Variants in PACS2 observed in about 807,000 individuals in gnomAD.
The protein encoded by PACS2 is PACS1-like protein.
In PACS2, 36 loss-of-function variants were observed where a neutral mutation model predicts 113.0. The ratio of observed to expected loss-of-function variants is 0.32; its 90% CI spans 0.24 to 0.42. The LOEUF (loss-of-function observed/expected upper bound fraction) is 0.42, where lower values mean the gene tolerates loss of function less well. Ranked by LOEUF, PACS2 falls within the 10% of genes least tolerant of loss-of-function variation. The pLI, the probability that PACS2 is intolerant of heterozygous loss-of-function variation, is 1.00. For synonymous variants in PACS2, 589 were observed against 536.1 expected (o/e 1.10, Z -1.36); for missense variants, 1,015 against 1,239.5 (o/e 0.82, Z 2.72).
At chr14:105,313,856 C>G (rs971732806), upstream of PACS2, among the ~76,000 whole-genome samples, 1 of 152,246 alleles carries the variant, frequency 6.6e-6, no homozygotes, top group African/African-American at 2.4e-5. Context: ...GGGAAGCACC[C>G]TCCCTGAGCC....
In PACS2 at chr14:105,394,726, C is replaced by A. The variant is rs2081486980; in HGVS notation, c.*54C>A. On this transcript the variant is annotated 3_prime_UTR_variant, in exon 25 of 25. Transcript: ENST00000447393. The stretch of plus-strand genomic sequence containing the variant: ...CCCCATGCTGTGAGGGGCCCAGCTG[C>A]ATTTCTGTTAACATTTCAGTTTACT... 2 of 1,093,604 alleles carry A rather than the reference C, an allele frequency of 1.8e-6. No homozygotes were observed. Among genetic ancestry groups the A allele is most frequent in the Admixed American group, 3.4e-5 (2 of 59,136 alleles). 67.7% of individuals were successfully genotyped at this position (1,093,604 alleles called of 1,614,324 possible). A position where few individuals can be genotyped will look rare whatever the true frequency, so the allele number is the denominator to read the frequency against.
intron 1 of PACS2, among the ~76,000 whole-genome samples, chr14:105,326,324 G>A (rs1385482315): frequency 2.6e-5 from 4 of 152,204 alleles, no homozygotes; most frequent in African/African-American, 9.7e-5. Flanking sequence ...TTCCGTATGA[G>A]CTCGCTCCTG....
intron 19 of PACS2, among the ~76,000 whole-genome samples, chr14:105,386,420 G>A (rs2141270930): frequency 6.6e-6 from 1 of 152,244 alleles, no homozygotes; most frequent in South Asian, 2.1e-4. Context: ...AAACTACCGA[G>A]ACCTCCAAAT....
chr14:105,367,302 C>T lies in PACS2; in HGVS notation c.513C>T (p.Ile171=), dbSNP rs868978096. The change falls in exon 5 of 25, where the codon ATC becomes ATT. Residue 171 remains isoleucine (I), a synonymous_variant. Coordinates refer to ENST00000447393, the MANE Select transcript of PACS2 (RefSeq NM_001100913.3). Reference sequence around the variant, plus strand: ...CCGTCAAGGCGGCCGAGATCTGGATCGCCTCCCTGTCCAGCCAGCCCATTG... The same window carrying T: ...CCGTCAAGGCGGCCGAGATCTGGATTGCCTCCCTGTCCAGCCAGCCCATTG... ...EAPVKAAEIW[I]ASLSSQPIDH... The T allele has an allele frequency of 9.3e-6, 15 of 1,613,178 alleles. No homozygotes were observed. The highest frequency in any genetic ancestry group is 5.3e-5 in the African/African-American group (4 of 74,934).
rs908063508 is a variant in PACS2, at chr14:105,376,032, C to T, written c.802-736C>T. On this transcript the variant is annotated intron_variant, in intron 8 of 24. Transcript: ENST00000447393. This position sits in a 1 kb window ranked among gnomAD's most constrained non-coding sequence, Gnocchi z 4.7. ...AGCAGGCACCTTCTTTATGGGGCAG[C>T]AGGTCGGAGTGGGTGCCTGCAGGGG... 1.3e-5 allele frequency among the ~76,000 whole-genome samples: 2 copies of T among 152,162 alleles called. No individual in the cohort carries two copies. Among genetic ancestry groups the T allele is most frequent in the Non-Finnish European group, 2.9e-5 (2 of 68,022 alleles).
intron 8 of PACS2, chr14:105,371,267 G>A (rs1449507775): frequency 6.6e-6 from 1 of 152,282 alleles, no homozygotes; most frequent in Non-Finnish European, 1.5e-5. Context: ...TCGGCTCCCT[G>A]GCCTGGGGCT....
In PACS2 at chr14:105,357,364, C is replaced by G. The variant is rs587685743; in HGVS notation, c.423+2187C>G. Among the ~76,000 whole-genome samples, 4 of 152,216 alleles carry G rather than the reference C, an allele frequency of 2.6e-5. No individual in the cohort carries two copies. In the East Asian group the frequency reaches 7.7e-4, roughly 29 times the overall value. On this transcript the variant is annotated intron_variant, in intron 4 of 24. Coordinates refer to ENST00000447393, the MANE Select transcript of PACS2 (RefSeq NM_001100913.3). This position sits in a 1 kb window ranked among gnomAD's most constrained non-coding sequence, Gnocchi z 5.1. The stretch of plus-strand genomic sequence containing the variant: ...AAAGCCCCACCCCTGGATGTAGTTC[C>G]AGTGCCCTGCCCCTGAGCCTGTGGC...
At chr14:105,302,513 A>G (rs2058071311) in intron 1 of PACS2, among the ~76,000 whole-genome samples, 1 of 150,614 alleles carries the variant, frequency 6.6e-6, no homozygotes, top group Non-Finnish European at 1.5e-5. Context: ...CTATTTCATT[A>G]ATTTCTGCTC....
In PACS2 at chr14:105,383,196, GT is replaced by G. The variant is rs782543999; in HGVS notation, c.1626-160del. The G allele has an allele frequency of 4.1e-5, 33 of 813,868 alleles. No individual in the cohort carries two copies. In the South Asian group the frequency reaches 4.4e-4, roughly 11 times the overall value. 50.4% of individuals were successfully genotyped at this position (813,868 alleles called of 1,614,324 possible). ...CTGTGTGGTCCCTCAGCCTGGGCAC[GT>G]TTGGGCATGTGGGGGTCCTGGGCTT... is the stretch of plus-strand genomic sequence containing the variant. On this transcript the variant is annotated intron_variant, in intron 15 of 24. Coordinates refer to ENST00000447393, the MANE Select transcript of PACS2 (RefSeq NM_001100913.3).
chr14:105,361,993 G>T (rs2060703175), intron 4 of PACS2, among the ~76,000 whole-genome samples: 3 of 151,726 alleles, frequency 2.0e-5, no homozygotes, highest in Admixed American at 6.6e-5. Flanking sequence ...TGTGGTGGCA[G>T]GCACCTAAAG....
chr14:105,386,170 G>C (rs1012158052), intron 19 of PACS2, among the ~76,000 whole-genome samples: 75 of 152,332 alleles, frequency 4.9e-4, no homozygotes, highest in African/African-American at 1.7e-3. Flanking sequence ...GGGCCAGGCT[G>C]TTTCCCAGGC....
chr14:105,330,751 A>G lies in PACS2; in HGVS notation c.119+15714A>G, dbSNP rs1270199146. On this transcript the variant is annotated intron_variant, in intron 1 of 24. Coordinates refer to ENST00000447393, the MANE Select transcript of PACS2 (RefSeq NM_001100913.3). The surrounding 1 kb of genome is among the most constrained non-coding windows in gnomAD (Gnocchi z 6.9). ...TGGTACCCAGGGCTGGCCTTGTTTC[A>G]GCTTCCTGACGAGTGCCCTGTGGTC... is the stretch of plus-strand genomic sequence containing the variant. 2.0e-5 allele frequency among the ~76,000 whole-genome samples: 3 copies of G among 152,178 alleles called. No individual in the cohort carries two copies. The highest frequency in any genetic ancestry group is 4.8e-5 in the African/African-American group (2 of 41,426).
Position 105,323,687 on chromosome 14 carries a change from ATGGG to A in PACS2, c.119+8655_119+8658del, listed in dbSNP as rs984368592. 6.6e-6 allele frequency among the ~76,000 whole-genome samples: 1 copy of A among 151,950 alleles called. No individual in the cohort carries two copies. Among genetic ancestry groups the A allele is most frequent in the Admixed American group, 6.5e-5 (1 of 15,268 alleles). Reference sequence around the variant, plus strand: ...ATTGCCTCAGGGTGTGCAGGTGGAGATGGGTGGGAGGTGTCGTGCAGGGCTTGGG... The same window carrying A: ...ATTGCCTCAGGGTGTGCAGGTGGAGATGGGAGGTGTCGTGCAGGGCTTGGG... On this transcript the variant is annotated intron_variant, in intron 1 of 24. Transcript: ENST00000447393. This position sits in a 1 kb window ranked among gnomAD's most constrained non-coding sequence, Gnocchi z 4.1.
intron 4 of PACS2, among the ~76,000 whole-genome samples, chr14:105,360,542 CAAAAAA>C (rs60526490): frequency 2.9e-5 from 3 of 101,946 alleles, no homozygotes; most frequent in African/African-American, 9.8e-5. Context: ...GACTTCCTCT[CAAAAAA>C]AAAAAAAAAA....
rs186780474 is a variant in PACS2 at position 105,357,556 on chromosome 14, C to T, written c.423+2379C>T. Among the ~76,000 whole-genome samples, 15 of 152,278 alleles carry T rather than the reference C, an allele frequency of 9.9e-5. No homozygotes were observed. The highest frequency in any genetic ancestry group is 2.6e-4 in the African/African-American group (11 of 41,552). ...CTAGTTGGGTCCTCCCATGTGTCCC[C>T]GAGCACCAGGGCGGTTCATGGGCTC... On this transcript the variant is annotated intron_variant, in intron 4 of 24. Transcript: ENST00000447393. This position sits in a 1 kb window ranked among gnomAD's most constrained non-coding sequence, Gnocchi z 5.1.
At chr14:105,345,145 C>T (rs138604891) in intron 1 of PACS2, among the ~76,000 whole-genome samples, 2,162 of 150,008 alleles carry the variant, frequency 0.014, 19 homozygotes, top group South Asian at 0.034. Context: ...AGTGGCTCAA[C>T]GCCTGTAATC....
chr14:105,392,375 T>C (rs1215291357), intron 22 of PACS2: 2 of 546,964 alleles, frequency 3.7e-6, no homozygotes, highest in Non-Finnish European at 6.6e-6. Flanking sequence ...GGAGAGCAGG[T>C]GGACAGGCCT....
At chr14:105,362,513 T>C (rs1277412847) in intron 4 of PACS2, among the ~76,000 whole-genome samples, 1 of 152,082 alleles carries the variant, frequency 6.6e-6, no homozygotes, top group Non-Finnish European at 1.5e-5. Flanking sequence ...AATCACTGTC[T>C]ATGGCAGCTA....
rs587765129 is a variant in PACS2 at position 105,391,344 on chromosome 14, G to T, written c.2119+95G>T. 40 of 957,458 alleles carry T rather than the reference G, an allele frequency of 4.2e-5. 1 individual carries two copies. Among genetic ancestry groups the T allele is most frequent in the Middle Eastern group, 4.2e-4 (2 of 4,764 alleles). The allele number at this position is 957,458 out of a possible 1,614,324, so 59.3% of individuals were successfully genotyped here. On this transcript the variant is annotated intron_variant, in intron 21 of 24. Coordinates refer to ENST00000447393, the MANE Select transcript of PACS2 (RefSeq NM_001100913.3). ...TCCTGCAGACCAGATCAACCTTTCA[G>T]GGCCTGAGAGCCGCCACGTCCCAGT...
Sources: gnomAD v4.1 joint callset for allele counts (sites outside exome capture counted in the v4.1 genomes callset) on GRCh38, gnomAD v4.1.1 for gene constraint, Gnocchi (gnomAD v3.1) non-coding constraint, MANE v1.5 for transcripts, NCBI Gene and HGNC (gene_info 2026-07-23, HGNC 2026-07-21) for gene names.